Variants in TMEM132B observed in about 807,000 individuals in gnomAD.
The protein encoded by TMEM132B is transmembrane protein 132B.
A neutral mutation model predicts 90.8 loss-of-function variants in TMEM132B; 18 were observed. That is an observed-to-expected ratio of 0.20 (90% confidence interval 0.14 to 0.29). The LOEUF (loss-of-function observed/expected upper bound fraction) is 0.29, where lower values mean the gene tolerates loss of function less well. Ranked by LOEUF, TMEM132B falls within the 10% of genes least tolerant of loss-of-function variation. The pLI is 1.00. For missense variants in TMEM132B, 1,096 were observed against 1,326.8 expected (o/e 0.83, Z 2.70); for synonymous variants, 504 against 523.3 (o/e 0.96, Z 0.50).
At chr12:125,514,412 T>C (rs759096621) in intron 3 of TMEM132B, among the ~76,000 whole-genome samples, 1 of 152,180 alleles carries the variant, frequency 6.6e-6, no homozygotes, top group African/African-American at 2.4e-5. Context: ...TTGTATCTCC[T>C]GAGAGGCACC....
chr12:125,648,943 T>C (rs776204322), intron 6 of TMEM132B, among the ~76,000 whole-genome samples: 20 of 152,230 alleles, frequency 1.3e-4, no homozygotes, highest in Non-Finnish European at 2.8e-4. Context: ...AAGTAGTTAG[T>C]TCCGAGAAGC....
chr12:125,531,077 A>G (rs1883633693), intron 4 of TMEM132B, among the ~76,000 whole-genome samples: 1 of 152,202 alleles, frequency 6.6e-6, no homozygotes, highest in Non-Finnish European at 1.5e-5. Flanking sequence ...TCAGCTACAC[A>G]ATACTCACAC....
chr12:125,358,595 A>G (rs1041968474), intron 2 of TMEM132B, among the ~76,000 whole-genome samples: 1 of 152,010 alleles, frequency 6.6e-6, no homozygotes, highest in African/African-American at 2.4e-5. Flanking sequence ...AAGTTCCTCA[A>G]TTTGGGTCTG....
At chr12:125,567,728 C>T (rs1480383380) in intron 4 of TMEM132B, among the ~76,000 whole-genome samples, 1 of 152,182 alleles carries the variant, frequency 6.6e-6, no homozygotes. Flanking sequence ...GCTTGCCGGT[C>T]CTGTGACAGC....
chr12:125,380,627 G>A (rs1253182093), intron 2 of TMEM132B, among the ~76,000 whole-genome samples: 1 of 152,196 alleles, frequency 6.6e-6, no homozygotes, highest in Non-Finnish European at 1.5e-5. Flanking sequence ...CTCACCGTCA[G>A]ATCCACTAGT....
chr12:125,517,975 C>T lies in TMEM132B; in HGVS notation c.1107-1464C>T, dbSNP rs570973955. Among the ~76,000 whole-genome samples the T allele has an allele frequency of 1.5e-4, 23 of 152,242 alleles. No individual in the cohort carries two copies. In the South Asian group the frequency reaches 2.7e-3, roughly 18 times the overall value. ...TATTTTTAAATTATTTTAATTTGCA[C>T]GTAAATGGCCATTTGTGGCTGGTGG... On this transcript the variant is annotated intron_variant, in intron 3 of 8. Coordinates refer to ENST00000682704, the MANE Select transcript of TMEM132B (RefSeq NM_001366854.1).
intron 2 of TMEM132B, among the ~76,000 whole-genome samples, chr12:125,361,973 T>A (rs1877972420): frequency 6.6e-6 from 1 of 152,142 alleles, no homozygotes; most frequent in Non-Finnish European, 1.5e-5. Context: ...TAGTGAACAC[T>A]TAGTTTGTAC....
chr12:125,412,920 G>A (rs548520272), intron 2 of TMEM132B, among the ~76,000 whole-genome samples: 13 of 152,170 alleles, frequency 8.5e-5, no homozygotes, highest in African/African-American at 1.4e-4. Context: ...AGAATTCAGC[G>A]GAAGAATGAT....
In TMEM132B at chr12:125,415,618, C is replaced by T; in HGVS notation, c.1047C>T (p.Gly349=). The T allele has an allele frequency of 1.2e-6, 2 of 1,614,204 alleles. No individual in the cohort carries two copies. Among genetic ancestry groups the T allele is most frequent in the Non-Finnish European group, 1.7e-6 (2 of 1,180,030 alleles). The change falls in exon 3 of 9, where the codon GGC becomes GGT. Residue 349 remains glycine, a synonymous_variant. Coordinates refer to ENST00000682704, the MANE Select transcript of TMEM132B (RefSeq NM_001366854.1). This position sits in a 1 kb window ranked among gnomAD's most constrained non-coding sequence, Gnocchi z 5.3. The part of the protein sequence containing the change: ...QWAVQEEIDN[G]STQTSATLTC... ...CAGTCCAGGAGGAAATTGATAATGG[C>T]AGCACTCAGACGTCGGCCACCCTCA...
chr12:125,572,214 A>C (rs1387778796), intron 4 of TMEM132B, among the ~76,000 whole-genome samples: 2 of 152,222 alleles, frequency 1.3e-5, no homozygotes, highest in African/African-American at 4.8e-5. Context: ...CATGGAAAAC[A>C]GGGTGCTATG....
rs113643635 is a variant in TMEM132B at position 125,561,928 on chromosome 12, C to T, written c.1294-21923C>T. ...CAGCAGCATTAAACAAGAGAGTCAG[C>T]CTATCCTGTGAAGCTTTGAAGCCAG... On this transcript the variant is annotated intron_variant, in intron 4 of 8. Coordinates refer to ENST00000682704, the MANE Select transcript of TMEM132B (RefSeq NM_001366854.1). Among the ~76,000 whole-genome samples, 1,010 of 152,246 alleles carry T rather than the reference C, an allele frequency of 6.6e-3. 11 individuals carry two copies. Among genetic ancestry groups the T allele is most frequent in the African/African-American group, 0.024 (978 of 41,544 alleles).
chr12:125,547,491 C>T (rs75272662), intron 4 of TMEM132B, among the ~76,000 whole-genome samples: 8,113 of 152,052 alleles, frequency 0.053, 390 homozygotes, highest in African/African-American at 0.12. Context: ...ATAGGTTGTT[C>T]TGAAAACTGA....
At chr12:125,382,787 T>C (rs1218940373) in intron 2 of TMEM132B, among the ~76,000 whole-genome samples, 4 of 152,212 alleles carry the variant, frequency 2.6e-5, no homozygotes, top group Non-Finnish European at 5.9e-5. Context: ...TTATTCCAGA[T>C]CGGGCTAACT....
intron 1 of TMEM132B, among the ~76,000 whole-genome samples, chr12:125,294,321 C>G (rs978729550): frequency 1.3e-5 from 2 of 152,222 alleles, no homozygotes; most frequent in Non-Finnish European, 2.9e-5. Context: ...TGGTTAGATG[C>G]AACAAGCCAG....
intron 5 of TMEM132B, among the ~76,000 whole-genome samples, chr12:125,618,413 C>A (rs117022371): frequency 6.6e-6 from 1 of 152,226 alleles, no homozygotes; most frequent in African/African-American, 2.4e-5. Flanking sequence ...TGTTGGTAGC[C>A]TGCCTCCCCT....
intron 3 of TMEM132B, among the ~76,000 whole-genome samples, chr12:125,435,538 A>G (rs542757168): frequency 1.3e-5 from 2 of 152,342 alleles, no homozygotes; most frequent in East Asian, 3.9e-4. Flanking sequence ...AGCGCGTATT[A>G]CAGAGCCCTC....
chr12:125,212,560 G>A (rs1039136971), intron 1 of TMEM132B, among the ~76,000 whole-genome samples: 1 of 152,060 alleles, frequency 6.6e-6, no homozygotes, highest in Non-Finnish European at 1.5e-5. Flanking sequence ...CAGGTGTGGT[G>A]GTGGGCACCC....
intron 1 of TMEM132B, among the ~76,000 whole-genome samples, chr12:125,285,344 C>G (rs1343216855): frequency 2.0e-5 from 3 of 152,168 alleles, no homozygotes; most frequent in African/African-American, 7.2e-5. Context: ...TAGATAGAGT[C>G]AGAGGCAAAG....
At chr12:125,403,312 G>T (rs1285996050) in intron 2 of TMEM132B, among the ~76,000 whole-genome samples, 2 of 152,116 alleles carry the variant, frequency 1.3e-5, no homozygotes, top group Admixed American at 1.3e-4. Flanking sequence ...ACATCCTTTG[G>T]ACTGTCTCAT....
Sources: gnomAD v4.1 joint callset for allele counts (sites outside exome capture counted in the v4.1 genomes callset) on GRCh38, gnomAD v4.1.1 for gene constraint, Gnocchi (gnomAD v3.1) non-coding constraint, MANE v1.5 for transcripts, NCBI Gene and HGNC (gene_info 2026-07-23, HGNC 2026-07-21) for gene names.